Variants in SCML4 observed in about 807,000 individuals in gnomAD.
SCML4 encodes the protein sex comb on midleg-like protein 4.
Under a neutral mutation model 41.1 loss-of-function variants are expected in SCML4, and 34 were observed. That is an observed-to-expected ratio of 0.83 (90% CI 0.63 to 1.10). The LOEUF (loss-of-function observed/expected upper bound fraction) is 1.10, where lower values mean the gene tolerates loss of function less well. Ranked by LOEUF, SCML4 falls within the 50% of genes least tolerant of loss-of-function variation. The pLI, the probability that SCML4 is intolerant of heterozygous loss-of-function variation, is 0.00. For synonymous variants in SCML4, 214 were observed against 220.9 expected (o/e 0.97, Z 0.28); for missense variants, 522 against 534.1 (o/e 0.98, Z 0.22).
chr6:107,772,049 C>T (rs973431302), intron 2 of SCML4, 123 bp downstream of exon 2: 1 of 768,290 alleles, frequency 1.3e-6, no homozygotes, highest in African/African-American at 1.8e-5. Context: ...CCGAGGGAGG[C>T]TTATTTCTCA....
chr6:107,790,373 T>C (rs955220480), intron 1 of SCML4, among the ~76,000 whole-genome samples: 1 of 152,150 alleles, frequency 6.6e-6, no homozygotes, highest in Non-Finnish European at 1.5e-5. Flanking sequence ...AATACAATGA[T>C]ACAATTGAGG....
chr6:107,750,889 C>T (rs1778556675), intron 2 of SCML4, among the ~76,000 whole-genome samples: 1 of 152,188 alleles, frequency 6.6e-6, no homozygotes, highest in Non-Finnish European at 1.5e-5. Context: ...CTATTGTTAA[C>T]ATGTGTGCAG....
intron 1 of SCML4, among the ~76,000 whole-genome samples, chr6:107,813,410 A>AAAT (rs1784339396): frequency 1.3e-4 from 3 of 23,266 alleles, no homozygotes; most frequent in African/African-American, 3.2e-4. Context: ...ATATATATAT[A>AAAT]TATATATATA....
intron 5 of SCML4, among the ~76,000 whole-genome samples, chr6:107,721,715 G>A (rs1330579841): frequency 1.3e-5 from 2 of 152,136 alleles, no homozygotes; most frequent in African/African-American, 2.4e-5. Flanking sequence ...AGAGTCAGGA[G>A]AGACAACTGT....
intron 1 of SCML4, among the ~76,000 whole-genome samples, chr6:107,802,349 C>G (rs555203663): frequency 6.6e-6 from 1 of 152,200 alleles, no homozygotes; most frequent in East Asian, 1.9e-4. Flanking sequence ...TGAGCAGAGA[C>G]TTCAAGGAAC....
chr6:107,818,841 G>T (rs896205332), intron 1 of SCML4, among the ~76,000 whole-genome samples: 12 of 152,184 alleles, frequency 7.9e-5, no homozygotes, highest in Non-Finnish European at 1.3e-4. Context: ...TCTAAGGCAG[G>T]GCCTTAGACA....
At position 107,720,714 on chromosome 6, in the gene SCML4, C is replaced by G. The variant is rs568727962; in HGVS notation, c.962G>C (p.Gly321Ala). The G allele has an allele frequency of 6.4e-7, 1 of 1,556,150 alleles. No individual in the cohort carries two copies. The highest frequency in any genetic ancestry group is 2.3e-5 in the East Asian group (1 of 44,380). Residue 321 changes from glycine (G) to alanine (A), a missense_variant, in exon 6 of 8, where the codon GGA becomes GCA. Coordinates refer to ENST00000369020, the MANE Select transcript of SCML4 (RefSeq NM_198081.5). ...SPKRNTTSLEGNRCASSPSQD... is the reference protein window; with the variant it reads ...SPKRNTTSLEANRCASSPSQD... Reference sequence around the variant, plus strand: ...ATGCATTACATTACCACATCTGTTTCCTTCAAGAGAGGTCGTGTTTCTCTT... The same window carrying G: ...ATGCATTACATTACCACATCTGTTTGCTTCAAGAGAGGTCGTGTTTCTCTT...
At chr6:107,781,642 C>A (rs1283911057) in intron 1 of SCML4, among the ~76,000 whole-genome samples, 4 of 150,796 alleles carry the variant, frequency 2.7e-5, no homozygotes, top group African/African-American at 7.3e-5. Context: ...TGCACTCCAG[C>A]CTGGGCAACA....
intron 1 of SCML4, among the ~76,000 whole-genome samples, chr6:107,822,821 C>T (rs1474410406): frequency 1.3e-5 from 2 of 152,128 alleles, no homozygotes; most frequent in African/African-American, 4.8e-5. Context: ...TAGACGATCA[C>T]GCAGTACCGA....
the SCML4 span, among the ~76,000 whole-genome samples, chr6:107,836,498 T>A: frequency 6.6e-6 from 1 of 152,164 alleles, no homozygotes; most frequent in Non-Finnish European, 1.5e-5. Flanking sequence ...CTGGGGTCTT[T>A]CCAACCCAGA....
At chr6:107,801,533 T>C (rs1783127095) in intron 1 of SCML4, among the ~76,000 whole-genome samples, 1 of 152,236 alleles carries the variant, frequency 6.6e-6, no homozygotes, top group Non-Finnish European at 1.5e-5. Flanking sequence ...TTGTGTCCAT[T>C]ACTTTTCACT....
intron 1 of SCML4, among the ~76,000 whole-genome samples, chr6:107,786,478 C>T (rs17068782): frequency 0.14 from 21,155 of 152,060 alleles, 1,970 homozygotes; most frequent in African/African-American, 0.27. Context: ...TACATCCTTT[C>T]TTGTGGCTGT....
In SCML4 at chr6:107,822,508, C is replaced by CTTTT. The variant is rs10677944; in HGVS notation, c.-60+1614_-60+1617dup. Among the ~76,000 whole-genome samples the CTTTT allele has an allele frequency of 6.7e-4, 93 of 138,000 alleles. 2 individuals carry two copies. Among genetic ancestry groups the CTTTT allele is most frequent in the African/African-American group, 2.3e-3 (80 of 34,850 alleles). The allele number at this position is 138,000 out of a possible 152,430, so 90.5% of individuals were successfully genotyped here. A position where few individuals can be genotyped will look rare whatever the true frequency, so the allele number is the denominator to read the frequency against. ...ATTTACTCTTTTCTTTTTTTCTTTT[C>CTTTT]TTTTTTTTTTTTTGCAGCAAAATAA... On this transcript the variant is annotated intron_variant, in intron 1 of 7. Coordinates refer to ENST00000369020, the MANE Select transcript of SCML4 (RefSeq NM_198081.5).
upstream of SCML4, among the ~76,000 whole-genome samples, chr6:107,827,023 A>C (rs1458410932): frequency 6.6e-6 from 1 of 151,852 alleles, no homozygotes; most frequent in Non-Finnish European, 1.5e-5. Flanking sequence ...AGATCACGCC[A>C]CTGCACTACA....
the SCML4 span, among the ~76,000 whole-genome samples, chr6:107,843,290 C>T: frequency 6.6e-6 from 1 of 151,980 alleles, no homozygotes; most frequent in Admixed American, 6.6e-5. Context: ...ACAGGAAATC[C>T]CAAAGACAGC....
At chr6:107,793,290 T>C (rs921967935) in intron 1 of SCML4, among the ~76,000 whole-genome samples, 1 of 152,220 alleles carries the variant, frequency 6.6e-6, no homozygotes, top group Admixed American at 6.5e-5. Flanking sequence ...AAAGCAGTAA[T>C]TAATGTTCTT....
intron 6 of SCML4, among the ~76,000 whole-genome samples, chr6:107,710,938 C>T (rs1364727495): frequency 1.5e-5 from 1 of 68,156 alleles, no homozygotes; most frequent in Non-Finnish European, 3.1e-5. Context: ...GTCTGGTTTA[C>T]AGTTACTACA....
At chr6:107,790,872 C>T (rs1782272093) in intron 1 of SCML4, among the ~76,000 whole-genome samples, 2 of 152,082 alleles carry the variant, frequency 1.3e-5, no homozygotes, top group South Asian at 4.2e-4. Context: ...GAGTTCGAGA[C>T]CAGACTGGCC....
At chr6:107,811,983 AC>A (rs1448831710) in intron 1 of SCML4, among the ~76,000 whole-genome samples, 1 of 152,196 alleles carries the variant, frequency 6.6e-6, no homozygotes, top group East Asian at 1.9e-4. Flanking sequence ...GTTTCCAACA[AC>A]CTTGACTTCC....
Sources: gnomAD v4.1 joint callset for allele counts (sites outside exome capture counted in the v4.1 genomes callset) on GRCh38, gnomAD v4.1.1 for gene constraint, MANE v1.5 for transcripts, NCBI Gene and HGNC (gene_info 2026-07-23, HGNC 2026-07-21) for gene names.